The following WDR20 variants were observed in gnomAD, a reference collection of about 807,000 sequenced individuals.
WDR20 encodes the protein WD repeat-containing protein 20.
In WDR20, 3 loss-of-function variants were observed where a neutral mutation model predicts 38.7. The ratio of observed to expected loss-of-function variants is 0.08; its 90% CI spans 0.04 to 0.20. The LOEUF is 0.20. Among genes scored for constraint, WDR20 ranks in the 10% least tolerant of loss-of-function variants. The pLI, the probability that WDR20 is intolerant of heterozygous loss-of-function variation, is 1.00. For missense variants in WDR20, 559 were observed against 727.7 expected (o/e 0.77, Z 2.67); for synonymous variants, 298 against 285.6 (o/e 1.04, Z -0.44).
chr14:102,215,022 T>C (rs901133012), downstream of WDR20: 1 of 978,248 alleles, frequency 1.0e-6, no homozygotes, highest in East Asian at 1.1e-4. Context: ...TAATTTTCAG[T>C]AGTCATTTTC....
chr14:102,206,607 A>G (rs978033225), intron 2 of WDR20, among the ~76,000 whole-genome samples: 6 of 152,240 alleles, frequency 3.9e-5, no homozygotes, highest in Admixed American at 3.9e-4. Flanking sequence ...TGTAAGGTGC[A>G]GGAATTGGGA....
At chr14:102,173,019 C>G (rs930598646) in intron 1 of WDR20, among the ~76,000 whole-genome samples, 4 of 151,112 alleles carry the variant, frequency 2.6e-5, no homozygotes, top group East Asian at 1.9e-4. Context: ...GATGGGCGGC[C>G]GGGCAGAGAC....
chr14:102,185,396 A>G (rs540701292), intron 1 of WDR20, among the ~76,000 whole-genome samples: 39 of 152,272 alleles, frequency 2.6e-4, no homozygotes, highest in African/African-American at 9.1e-4. Context: ...TCCCACTTCA[A>G]GAAGCCTAGG....
downstream of WDR20, among the ~76,000 whole-genome samples, chr14:102,216,398 C>T (rs934631798): frequency 6.6e-6 from 1 of 152,124 alleles, no homozygotes; most frequent in African/African-American, 2.4e-5. Context: ...GCTCAGTGAT[C>T]CTCCCATCTA....
At chr14:102,197,780 T>C (rs768337109) in intron 2 of WDR20, 3 of 702,074 alleles carry the variant, frequency 4.3e-6, no homozygotes, top group Non-Finnish European at 7.8e-6. Flanking sequence ...TTGTGGAAGG[T>C]GGATTGGAAT....
downstream of WDR20, chr14:102,213,130 C>T (rs753549054): frequency 4.7e-5 from 46 of 986,112 alleles, no homozygotes; most frequent in Non-Finnish European, 5.4e-5. Flanking sequence ...CCTTTTTCAC[C>T]AGAATTCAAG....
downstream of WDR20, among the ~76,000 whole-genome samples, chr14:102,219,681 G>C (rs1005820314): frequency 6.6e-6 from 1 of 152,232 alleles, no homozygotes. Context: ...GGTGGCCAAC[G>C]TGCTTCCTGA....
At position 102,208,977 on chromosome 14, in the gene WDR20, C is replaced by T. The variant is rs747016948; in HGVS notation, c.807C>T (p.Cys269=). 6.2e-7 allele frequency: 1 copy of T among 1,614,172 alleles called. No individual in the cohort carries two copies. Among genetic ancestry groups the T allele is most frequent in the South Asian group, 1.1e-5 (1 of 91,088 alleles). Residue 269 remains cysteine (C), a synonymous_variant, in exon 3 of 3, where the codon TGC becomes TGT. Transcript: ENST00000342702. The surrounding 1 kb of genome is among the most constrained non-coding windows in gnomAD (Gnocchi z 5.6). ...ACTTTGGGGGCTTGCTGTGTGTGTG[C>T]TGGAGCCCGGATGGCAAGTACATCG... The part of the protein sequence containing the change: ...KSYFGGLLCV[C]WSPDGKYIVT...
At chr14:102,216,775 C>G (rs1056336469), downstream of WDR20, among the ~76,000 whole-genome samples, 2 of 152,060 alleles carry the variant, frequency 1.3e-5, no homozygotes, top group African/African-American at 4.8e-5. Flanking sequence ...ACTAAAAATA[C>G]AAAAATTAGC....
At chr14:102,151,582 G>A (rs947679600) in intron 1 of WDR20, among the ~76,000 whole-genome samples, 2 of 151,532 alleles carry the variant, frequency 1.3e-5, no homozygotes, top group South Asian at 4.2e-4. Flanking sequence ...TGGTAGAGAC[G>A]AGGTCTTGCT....
chr14:102,186,678 G>A (rs201221204), intron 1 of WDR20, among the ~76,000 whole-genome samples: 7 of 152,062 alleles, frequency 4.6e-5, no homozygotes, highest in Admixed American at 1.3e-4. Context: ...AGGGCCGGGC[G>A]CAGTGGCTCA....
At chr14:102,187,172 C>G (rs943662528) in intron 1 of WDR20, among the ~76,000 whole-genome samples, 4 of 152,128 alleles carry the variant, frequency 2.6e-5, no homozygotes, top group African/African-American at 9.7e-5. Context: ...CAGTCGTTCT[C>G]TTCTGATTTT....
downstream of WDR20, chr14:102,213,032 G>C: frequency 1.0e-6 from 1 of 990,242 alleles, no homozygotes; most frequent in Non-Finnish European, 1.2e-6. Flanking sequence ...CCGGCAAGGG[G>C]GCGAGCTGGT....
chr14:102,209,994 G>A lies in WDR20; in HGVS notation c.*114G>A. ...TCTTATTCTTAATGTAAATCTCAAT[G>A]CATCAGAGCCATAATTTTGGATACT... On this transcript the variant is annotated 3_prime_UTR_variant, in exon 3 of 3. Coordinates refer to ENST00000342702, the MANE Select transcript of WDR20 (RefSeq NM_144574.4). The surrounding 1 kb of genome is among the most constrained non-coding windows in gnomAD (Gnocchi z 6.0). 1.4e-6 allele frequency: 2 copies of A among 1,466,716 alleles called. No homozygotes were observed. The highest frequency in any genetic ancestry group is 1.5e-5 in the South Asian group (1 of 67,748). 90.9% of individuals were successfully genotyped at this position (1,466,716 alleles called of 1,614,324 possible).
At chr14:102,169,593 G>A (rs1052163788) in intron 1 of WDR20, among the ~76,000 whole-genome samples, 23 of 152,106 alleles carry the variant, frequency 1.5e-4, no homozygotes, top group Non-Finnish European at 7.4e-5. Context: ...GTGCAATGGC[G>A]TAATGCTCAC....
At chr14:102,216,875 A>G (rs986966242), downstream of WDR20, among the ~76,000 whole-genome samples, 3 of 152,088 alleles carry the variant, frequency 2.0e-5, no homozygotes, top group Non-Finnish European at 4.4e-5. Flanking sequence ...GGAGGTTGCA[A>G]TGAGTCGAGA....
At chr14:102,200,725 G>A (rs772548812) in intron 2 of WDR20, among the ~76,000 whole-genome samples, 5 of 152,194 alleles carry the variant, frequency 3.3e-5, no homozygotes, top group Non-Finnish European at 7.3e-5. Flanking sequence ...TAAAGAACTT[G>A]GCATTTGGCT....
intron 1 of WDR20, among the ~76,000 whole-genome samples, chr14:102,146,647 C>T (rs1479147605): frequency 6.6e-6 from 1 of 152,128 alleles, no homozygotes; most frequent in Admixed American, 6.6e-5. Flanking sequence ...TCAAAAACTG[C>T]AGGACCACCT....
At chr14:102,140,412 C>T (rs182503838) in intron 1 of WDR20, among the ~76,000 whole-genome samples, 94 of 152,088 alleles carry the variant, frequency 6.2e-4, no homozygotes, top group Admixed American at 9.2e-4. Flanking sequence ...GGGGTTCTGG[C>T]TGGGAGGCTC....
Sources: allele counts gnomAD v4.1 joint callset (sites outside exome capture counted in the v4.1 genomes callset), GRCh38; gene constraint gnomAD v4.1.1; non-coding constraint Gnocchi (gnomAD v3.1); transcripts MANE v1.5; gene names NCBI Gene and HGNC (gene_info 2026-07-23, HGNC 2026-07-21).